NAALADL2: variants seen among roughly 807,000 people sequenced by gnomAD.
The protein encoded by NAALADL2 is N-acetylated alpha-linked acidic dipeptidase like 2.
In NAALADL2, 76 loss-of-function variants were observed where a neutral mutation model predicts 87.2. The observed-to-expected ratio is 0.87, with a 90% confidence interval of 0.72 to 1.05. NAALADL2 has a LOEUF of 1.05. NAALADL2 is among the 50% of genes least tolerant of loss of function. NAALADL2 has a pLI of 0.00. For missense variants in NAALADL2, 1,089 were observed against 945.8 expected (o/e 1.15, Z -1.99); for synonymous variants, 354 against 331.0 (o/e 1.07, Z -0.75).
At chr3:175,306,379 A>G (rs1757724246) in intron 4 of NAALADL2, among the ~76,000 whole-genome samples, 1 of 152,222 alleles carries the variant, frequency 6.6e-6, no homozygotes, top group Non-Finnish European at 1.5e-5. Context: ...AGATAAAACT[A>G]CTACCGAGTG....
chr3:175,755,372 A>C lies in NAALADL2; in HGVS notation c.2143A>C (p.Met715Leu). The C allele has an allele frequency of 6.2e-7, 1 of 1,610,222 alleles. No homozygotes were observed. ...IRMLNDILQD[M>L]EKSFLVKQAP... ...GATGCTGAATGACATTCTCCAAGAC[A>C]TGGAGAAAAGCTTTCTGGTAAAGCA... is the stretch of plus-strand genomic sequence containing the variant. The change falls in exon 13 of 14, where the codon ATG (methionine) becomes CTG (leucine). Residue 715 changes from methionine to leucine, a missense_variant. Transcript: ENST00000454872.
At chr3:174,840,817 G>T (rs750557853) in intron 3 of NAALADL2, among the ~76,000 whole-genome samples, 1 of 152,120 alleles carries the variant, frequency 6.6e-6, no homozygotes, top group African/African-American at 2.4e-5. Context: ...TTACAGAAAC[G>T]TCTATTTTAA....
intron 7 of NAALADL2, 64 bp from the exon 8 acceptor site, chr3:175,466,914 TG>T: frequency 7.8e-7 from 1 of 1,280,864 alleles, no homozygotes; most frequent in South Asian, 1.2e-5. Flanking sequence ...ATTATGTAAA[TG>T]TCATTAAATT....
At chr3:175,633,094 G>A (rs62284540) in intron 11 of NAALADL2, among the ~76,000 whole-genome samples, 38,888 of 151,862 alleles carry the variant, frequency 0.26, 5,579 homozygotes, top group African/African-American at 0.4. Context: ...AGGATAGAGC[G>A]GTTCATGTAG....
At chr3:174,703,123 T>G (rs1161372297) in intron 2 of NAALADL2, among the ~76,000 whole-genome samples, 1 of 152,134 alleles carries the variant, frequency 6.6e-6, no homozygotes, top group Non-Finnish European at 1.5e-5. Context: ...TTAAGGCTTT[T>G]AATCTTTTAA....
chr3:175,611,892 G>A (rs2149675583), intron 10 of NAALADL2, among the ~76,000 whole-genome samples: 1 of 152,122 alleles, frequency 6.6e-6, no homozygotes, highest in South Asian at 2.1e-4. Flanking sequence ...TCAGTTAAAT[G>A]GAATTTTTGC....
intron 4 of NAALADL2, among the ~76,000 whole-genome samples, chr3:175,282,322 A>G (rs558639046): frequency 1.3e-5 from 2 of 152,228 alleles, no homozygotes; most frequent in South Asian, 4.1e-4. Context: ...AAAGCTGGTC[A>G]GAGAAAATTT....
chr3:174,847,184 A>G (rs1322335817), intron 3 of NAALADL2, among the ~76,000 whole-genome samples: 2 of 152,180 alleles, frequency 1.3e-5, no homozygotes. Flanking sequence ...ATCTCTACCC[A>G]TATTTCTTAT....
intron 3 of NAALADL2, among the ~76,000 whole-genome samples, chr3:174,852,332 CA>C (rs920933444): frequency 1.1e-4 from 17 of 151,698 alleles, no homozygotes; most frequent in African/African-American, 3.9e-4. Context: ...AGTACTCCAC[CA>C]AAAAAACAAT....
rs76099899 is a variant in NAALADL2 at position 175,656,118 on chromosome 3, A to G, written c.1896+28732A>G. On this transcript the variant is annotated intron_variant, in intron 11 of 13. Transcript: ENST00000454872. ...CCAAAATGCCAAACTTAAGTCTAGT[A>G]TACTATTAACCATGCATTATGCTAT... Among the ~76,000 whole-genome samples the G allele has an allele frequency of 7.4e-4, 113 of 152,336 alleles. 1 individual carries two copies. Among genetic ancestry groups the G allele is most frequent in the African/African-American group, 2.4e-3 (101 of 41,592 alleles).
intron 3 of NAALADL2, among the ~76,000 whole-genome samples, chr3:174,833,245 T>C (rs1016062772): frequency 6.6e-6 from 1 of 152,352 alleles, no homozygotes; most frequent in Non-Finnish European, 1.5e-5. Flanking sequence ...GGTCATTTTC[T>C]TAGTCTGTTA....
chr3:175,212,549 T>C (rs1448911921), intron 2 of NAALADL2, among the ~76,000 whole-genome samples: 1 of 149,428 alleles, frequency 6.7e-6, no homozygotes, highest in Non-Finnish European at 1.5e-5. Flanking sequence ...TAAATTTTCT[T>C]CATTTTTTTT....
At chr3:174,706,432 CA>C (rs1730074816) in intron 2 of NAALADL2, among the ~76,000 whole-genome samples, 1 of 152,130 alleles carries the variant, frequency 6.6e-6, no homozygotes, top group African/African-American at 2.4e-5. Context: ...AAAGCACAAA[CA>C]ACAAAAGAAA....
chr3:174,963,548 C>T lies in NAALADL2; in HGVS notation c.43+104098C>T, dbSNP rs192545638. 6.1e-4 allele frequency among the ~76,000 whole-genome samples: 93 copies of T among 152,222 alleles called. 1 individual carries two copies. The highest frequency in any genetic ancestry group is 3.4e-3 in the Middle Eastern group (1 of 294). ...TGTGACTCTGCGGAATATCCCCAGA[C>T]TTTGTTGACCTATCATCTTCATCCC... On this transcript the variant is annotated intron_variant, in intron 1 of 13. Transcript: ENST00000454872.
intron 4 of NAALADL2, among the ~76,000 whole-genome samples, chr3:175,309,468 G>A (rs190299350): frequency 1.3e-5 from 2 of 152,134 alleles, no homozygotes; most frequent in Admixed American, 6.5e-5. Flanking sequence ...TTACAGGCAT[G>A]AGCCACTGTG....
intron 3 of NAALADL2, chr3:175,235,756 G>A (rs1235237309): frequency 6.6e-6 from 1 of 152,154 alleles, no homozygotes; most frequent in African/African-American, 2.4e-5. Flanking sequence ...TGGATCCTTG[G>A]AATCTTCCCC....
At position 175,809,760 on chromosome 3, in the gene NAALADL2, G is replaced by A. The variant is rs1002162353; in HGVS notation, c.*6557G>A. ...TTATATGTATTTGGAATGTTAATAT[G>A]GGACACATGCATTTAATACTTTAAT... On this transcript the variant is annotated 3_prime_UTR_variant, in exon 14 of 14. Coordinates refer to ENST00000454872, the MANE Select transcript of NAALADL2 (RefSeq NM_207015.3). 2 of 151,846 alleles carry A rather than the reference G, an allele frequency of 1.3e-5. No individual in the cohort carries two copies. The highest frequency in any genetic ancestry group is 2.9e-5 in the Non-Finnish European group (2 of 67,950). 9.4% of individuals were successfully genotyped at this position (151,846 alleles called of 1,614,324 possible).
intron 3 of NAALADL2, among the ~76,000 whole-genome samples, chr3:175,241,252 G>A (rs950660607): frequency 2.6e-5 from 4 of 151,176 alleles, no homozygotes; most frequent in Non-Finnish European, 4.4e-5. Context: ...TTTTTAAGAC[G>A]GAGTTTTGCC....
intron 1 of NAALADL2, among the ~76,000 whole-genome samples, chr3:174,978,948 G>C (rs1744733335): frequency 6.6e-6 from 1 of 152,078 alleles, no homozygotes; most frequent in Admixed American, 6.6e-5. Flanking sequence ...AATTTCACAG[G>C]AAATAATTCA....
Sources: allele counts gnomAD v4.1 joint callset (sites outside exome capture counted in the v4.1 genomes callset), GRCh38; gene constraint gnomAD v4.1.1; transcripts MANE v1.5; gene names NCBI Gene and HGNC (gene_info 2026-07-23, HGNC 2026-07-21).